Variants in ABCC3 observed in about 807,000 individuals in gnomAD.
ABCC3 encodes ATP-binding cassette sub-family C member 3.
Under a neutral mutation model 165.3 loss-of-function variants are expected in ABCC3, and 121 were observed. The ratio of observed to expected loss-of-function variants is 0.73; its 90% CI spans 0.63 to 0.85. ABCC3 has a LOEUF of 0.85. Ranked by LOEUF, ABCC3 falls within the 40% of genes least tolerant of loss-of-function variation. The pLI, the probability that ABCC3 is intolerant of heterozygous loss-of-function variation, is 0.00. For synonymous variants in ABCC3, 733 were observed against 810.1 expected, an observed-to-expected ratio of 0.90 and a Z score of 1.62; for missense variants, 1,869 against 1,964.1, an observed-to-expected ratio of 0.95 and a Z score of 0.92.
intron 8 of ABCC3, 98 bp downstream of exon 8, chr17:50,661,212 G>A: frequency 7.7e-7 from 1 of 1,304,786 alleles, no homozygotes; most frequent in Middle Eastern, 1.9e-4. Flanking sequence ...AAGAACCCCA[G>A]ACCAGGAACC....
chr17:50,661,237 C>T (rs1967378601), intron 8 of ABCC3, 123 bp downstream of exon 8: 3 of 1,063,738 alleles, frequency 2.8e-6, no homozygotes, highest in Admixed American at 2.9e-5. Flanking sequence ...AGGCTAGCTC[C>T]ACTTTCTGTG....
At chr17:50,669,628 G>A in intron 17 of ABCC3, 100 bp downstream of exon 17, 1 of 1,291,014 alleles carries the variant, frequency 7.7e-7, no homozygotes, top group South Asian at 1.4e-5. Flanking sequence ...ACACATTGGT[G>A]TAACGTTATG....
At chr17:50,653,352 AAAAAAAAAAAAG>A (rs1452787077) in intron 1 of ABCC3, among the ~76,000 whole-genome samples, 4 of 151,470 alleles carry the variant, frequency 2.6e-5, no homozygotes, top group Non-Finnish European at 4.4e-5. Flanking sequence ...CTCAAAAAAA[AAAAAAAAAAAAG>A]AAAAAGAAAA....
At chr17:50,670,494 G>GTA (rs1241099925) in intron 17 of ABCC3, among the ~76,000 whole-genome samples, 1 of 152,162 alleles carries the variant, frequency 6.6e-6, no homozygotes, top group African/African-American at 2.4e-5. Context: ...CTGGGAAATA[G>GTA]TATACAGTAG....
chr17:50,647,899 C>T (rs1005614840), intron 1 of ABCC3, among the ~76,000 whole-genome samples: 8 of 152,056 alleles, frequency 5.3e-5, no homozygotes, highest in South Asian at 2.1e-4. Flanking sequence ...ATTGGCCGGG[C>T]GTGGTGGTGG....
chr17:50,665,027 A>G lies in ABCC3; in HGVS notation c.1339-126A>G, dbSNP rs568303011. 8.0e-5 allele frequency: 62 copies of G among 775,688 alleles called. No homozygotes were observed. The African/African-American group carries it at 8.8e-4, about 11-fold the overall frequency. The allele number at this position is 775,688 out of a possible 1,614,324, so 48.1% of individuals were successfully genotyped here. Reference sequence around the variant, plus strand: ...TGACTTTCTATCTGTTTGGCCAACCACCATCTTTTGCTTCCTGCCCATCTA... The same window carrying G: ...TGACTTTCTATCTGTTTGGCCAACCGCCATCTTTTGCTTCCTGCCCATCTA... On this transcript the variant is annotated intron_variant, in intron 10 of 30. Coordinates refer to ENST00000285238, the MANE Select transcript of ABCC3 (RefSeq NM_003786.4).
At chr17:50,635,836 T>C (rs929363530) in intron 1 of ABCC3, 18 of 519,876 alleles carry the variant, frequency 3.5e-5, no homozygotes, top group African/African-American at 1.9e-5. Context: ...TGAGCTATGA[T>C]CGCACCACTG....
At chr17:50,663,372 G>GTCGCCGTAT in intron 8 of ABCC3, 8 of 385,772 alleles carry the variant, frequency 2.1e-5, no homozygotes, top group South Asian at 7.7e-5. Flanking sequence ...TGGAAACGTG[G>GTCGCCGTAT]CATTTCTTCC....
intron 1 of ABCC3, among the ~76,000 whole-genome samples, chr17:50,648,395 A>G (rs1366470546): frequency 2.0e-5 from 3 of 152,180 alleles, no homozygotes; most frequent in Non-Finnish European, 4.4e-5. Context: ...GAAACACCCA[A>G]GATACTTATC....
chr17:50,644,940 C>G lies in ABCC3; in HGVS notation c.45+9959C>G, dbSNP rs111849622. 9.1e-3 allele frequency among the ~76,000 whole-genome samples: 1,391 copies of G among 152,314 alleles called. 12 individuals carry two copies. The highest frequency in any genetic ancestry group is 0.015 in the Non-Finnish European group (1,025 of 68,030). ...GGCTGAGGCAGGAGAATGGCGTGAA[C>G]CCGGGAGGCGGAGCTTGCAGTGAGC... On this transcript the variant is annotated intron_variant, in intron 1 of 30. Coordinates refer to ENST00000285238, the MANE Select transcript of ABCC3 (RefSeq NM_003786.4).
chr17:50,673,260 T>G (rs1001263437), intron 18 of ABCC3, 122 bp downstream of exon 18: 23 of 1,348,554 alleles, frequency 1.7e-5, no homozygotes, highest in Middle Eastern at 2.5e-4. Context: ...AGTGGGCATG[T>G]GGGTTGGGCA....
In ABCC3 at chr17:50,676,416, T is replaced by C; in HGVS notation, c.3206T>C (p.Leu1069Pro). ...FFDTTPSGRILNCFSKDIYVV... is the reference protein window; with the variant it reads ...FFDTTPSGRIPNCFSKDIYVV... ...GACACCACACCATCAGGCCGCATCC[T>C]GAACTGCTTCTCCAAGGACATCTAT... Residue 1069 changes from leucine to proline, a missense_variant, in exon 23 of 31, where the codon CTG (leucine) becomes CCG (proline). Coordinates refer to ENST00000285238, the MANE Select transcript of ABCC3 (RefSeq NM_003786.4). 1.9e-6 allele frequency: 3 copies of C among 1,614,244 alleles called. No individual in the cohort carries two copies. Among genetic ancestry groups the C allele is most frequent in the Non-Finnish European group, 2.5e-6 (3 of 1,180,036 alleles).
intron 1 of ABCC3, among the ~76,000 whole-genome samples, chr17:50,637,375 T>C (rs575623463): frequency 8.5e-5 from 13 of 152,136 alleles, no homozygotes; most frequent in Non-Finnish European, 1.8e-4. Flanking sequence ...TGCCACAGCC[T>C]AATTACAAAA....
intron 6 of ABCC3, 46 bp downstream of exon 6, chr17:50,658,542 G>A (rs1967309067): frequency 5.1e-6 from 8 of 1,583,662 alleles, no homozygotes; most frequent in Non-Finnish European, 5.2e-6. Context: ...GGGGAGGGAT[G>A]GAAGGTGAGA....
rs34620384 is a variant in ABCC3, at chr17:50,677,861, C to A, written c.3496C>A (p.Arg1166Ser). 5.5e-5 allele frequency: 89 copies of A among 1,614,036 alleles called. No homozygotes were observed. Among genetic ancestry groups the A allele is most frequent in the Non-Finnish European group, 7.5e-5 (88 of 1,180,044 alleles). Reference sequence around the variant, plus strand: ...TGCCAGTGTCATCCGGGCCTACAACCGCAGCCGGGATTTTGAGATCATCAG... The same window carrying A: ...TGCCAGTGTCATCCGGGCCTACAACAGCAGCCGGGATTTTGAGATCATCAG... Reference protein sequence around the residue: ...TGASVIRAYNRSRDFEIISDT... With the variant: ...TGASVIRAYNSSRDFEIISDT... The change falls in exon 24 of 31, where the codon CGC (arginine) becomes AGC (serine). Residue 1166 changes from arginine to serine, a missense_variant. Physicochemically the swap from Arg to Ser is moderately radical, Grantham distance 110. Transcript: ENST00000285238.
chr17:50,667,079 G>A (rs1300848057), intron 11 of ABCC3, among the ~76,000 whole-genome samples: 1 of 152,002 alleles, frequency 6.6e-6, no homozygotes, highest in African/African-American at 2.4e-5. Context: ...AAATTAGCTG[G>A]GCATGGTTGT....
chr17:50,669,250 G>T lies in ABCC3; in HGVS notation c.2048G>T (p.Gly683Val), dbSNP rs781732795. Residue 683 changes from glycine (G) to valine (V), a missense_variant, in exon 16 of 31, where the codon GGC becomes GTC. Gly to Val is a moderately radical substitution (Grantham distance 109). Transcript: ENST00000285238. ...CTGGGAGAGATGGAGAAGCTAGAAG[G>T]CAAAGTGCACATGAAGGTGAGAGAG... ...ALLGEMEKLE[G>V]KVHMKGSVAY... is the part of the protein sequence containing the mutation. 6.8e-6 allele frequency: 11 copies of T among 1,613,928 alleles called. No homozygotes were observed. Among genetic ancestry groups the T allele is most frequent in the Admixed American group, 3.3e-5 (2 of 59,934 alleles).
chr17:50,673,983 TCTCTCTCTCTCTCTCTCTC>T (rs1967729212), intron 19 of ABCC3, among the ~76,000 whole-genome samples: 2 of 4,956 alleles, frequency 4.0e-4, no homozygotes, highest in African/African-American at 2.4e-3. Context: ...TTTCTTTCTC[TCTCTCTCTCTCTCTCTCTC>T]TCTCTCTCTC....
rs147005216 is a variant in ABCC3, at chr17:50,686,537, G to A, written c.4281-999G>A. On this transcript the variant is annotated intron_variant, in intron 29 of 30. Transcript: ENST00000285238. Reference sequence around the variant, plus strand: ...TTACATAACCACGTGGGGGTGGCTGGCGGACAAACATGGTCTCTCCAGACC... The same window carrying A: ...TTACATAACCACGTGGGGGTGGCTGACGGACAAACATGGTCTCTCCAGACC... Among the ~76,000 whole-genome samples the A allele has an allele frequency of 1.7e-4, 26 of 152,124 alleles. No individual in the cohort carries two copies. In the East Asian group the frequency reaches 4.5e-3, roughly 26 times the overall value.
Sources: allele counts gnomAD v4.1 joint callset (sites outside exome capture counted in the v4.1 genomes callset), GRCh38; gene constraint gnomAD v4.1.1; transcripts MANE v1.5; gene names NCBI Gene and HGNC (gene_info 2026-07-23, HGNC 2026-07-21).